KLF15: variants seen among roughly 807,000 people sequenced by gnomAD.
KLF15 encodes Krueppel-like factor 15.
Under a neutral mutation model 24.6 loss-of-function variants are expected in KLF15, and 4 were observed. The observed-to-expected ratio is 0.16, with a 90% CI of 0.08 to 0.37. The LOEUF (loss-of-function observed/expected upper bound fraction) is 0.37, where lower values mean the gene tolerates loss of function less well. Among genes scored for constraint, KLF15 ranks in the 10% least tolerant of loss-of-function variants. The pLI is 1.00. For missense variants in KLF15, 496 were observed against 560.6 expected, an observed-to-expected ratio of 0.88 and a Z score of 1.16; for synonymous variants, 246 against 236.3, an observed-to-expected ratio of 1.04 and a Z score of -0.37.
At chr3:126,308,868 C>A in the KLF15 span, among the ~76,000 whole-genome samples, 2 of 152,294 alleles carry the variant, frequency 1.3e-5, no homozygotes, top group Middle Eastern at 6.8e-3. Context: ...GGCAGGACAG[C>A]TCGGCAGGGA....
chr3:126,322,481 C>G, the KLF15 span, among the ~76,000 whole-genome samples: 1 of 152,116 alleles, frequency 6.6e-6, no homozygotes, highest in Non-Finnish European at 1.5e-5. Context: ...TCCTACTGCC[C>G]CTCGCATAAG....
At chr3:126,351,727 T>G in intron 2 of KLF15, 114 bp downstream of exon 2, 5 of 393,766 alleles carry the variant, frequency 1.3e-5, no homozygotes, top group South Asian at 2.0e-5. Context: ...TGCCCCTCCC[T>G]CCCCTCCCTC....
the KLF15 span, among the ~76,000 whole-genome samples, chr3:126,331,629 T>C: frequency 3.3e-5 from 5 of 152,198 alleles, no homozygotes; most frequent in Non-Finnish European, 7.3e-5. Context: ...GATGGCCGAA[T>C]AGGAACAGCT....
chr3:126,314,112 CTG>C, the KLF15 span, among the ~76,000 whole-genome samples: 1 of 152,132 alleles, frequency 6.6e-6, no homozygotes, highest in Non-Finnish European at 1.5e-5. Context: ...TGGTCTCAGG[CTG>C]TGTCACTCCC....
At chr3:126,315,474 C>G in the KLF15 span, among the ~76,000 whole-genome samples, 148 of 152,240 alleles carry the variant, frequency 9.7e-4, no homozygotes, top group Non-Finnish European at 1.8e-3. Context: ...GACCTAGGGC[C>G]ACATCTTGTC....
the KLF15 span, among the ~76,000 whole-genome samples, chr3:126,327,606 C>T: frequency 6.6e-6 from 1 of 152,174 alleles, no homozygotes; most frequent in East Asian, 1.9e-4. Context: ...CAGTCTTCCC[C>T]CAGCCTCCCC....
At chr3:126,348,163 G>A (rs986066136) in intron 2 of KLF15, among the ~76,000 whole-genome samples, 6 of 152,324 alleles carry the variant, frequency 3.9e-5, no homozygotes. Context: ...CTGAACTCCT[G>A]GCTCTGGGGC....
intron 2 of KLF15, 89 bp downstream of exon 2, chr3:126,351,752 A>T: frequency 3.0e-6 from 2 of 660,814 alleles, no homozygotes; most frequent in Non-Finnish European, 4.8e-6. Context: ...ACCTTCTGTT[A>T]ATGGTGGAAA....
the KLF15 span, among the ~76,000 whole-genome samples, chr3:126,323,839 T>G: frequency 3.3e-5 from 5 of 151,774 alleles, no homozygotes; most frequent in Non-Finnish European, 5.9e-5. Context: ...TCTGTTCCTG[T>G]GTTAGTTTGC....
the KLF15 span, among the ~76,000 whole-genome samples, chr3:126,294,603 T>C: frequency 6.6e-6 from 1 of 152,172 alleles, no homozygotes; most frequent in Non-Finnish European, 1.5e-5. Context: ...AGTAATTTTT[T>C]AACTGAGCAC....
At chr3:126,290,534 T>A in the KLF15 span, 1 of 151,916 alleles carries the variant, frequency 6.6e-6, no homozygotes, top group Non-Finnish European at 1.5e-5. Context: ...CTTCCTTCCT[T>A]CCTTCCTTCC....
chr3:126,339,371 T>G (rs1441577670), downstream of KLF15, among the ~76,000 whole-genome samples: 2 of 152,230 alleles, frequency 1.3e-5, no homozygotes, highest in Non-Finnish European at 2.9e-5. Flanking sequence ...TACCTGGTCC[T>G]GGTGCCCTCC....
chr3:126,351,869 C>T lies in KLF15; in HGVS notation c.1054G>A (p.Ala352Thr), dbSNP rs376424318. Residue 352 changes from alanine (A) to threonine (T), a missense_variant, in exon 2 of 3, where the codon GCC (alanine) becomes ACC (threonine). Ala to Thr is a moderately conservative substitution (Grantham distance 58). Around this residue, in one of 3 missense-constraint regions of KLF15, gnomAD observed 59 missense variants for 106.1 expected, o/e 0.56. Transcript: ENST00000296233. The part of the protein sequence containing the change: ...LRRHTGEKPF[A>T]CTWPGCGWRF... ...CAGCCGCAGCCTGGCCAGGTGCAGG[C>T]GAAGGGCTTCTCACCCGTGTGCCGG... is the stretch of plus-strand genomic sequence containing the variant. The T allele has an allele frequency of 8.7e-6, 14 of 1,613,774 alleles. No individual in the cohort carries two copies. Among genetic ancestry groups the T allele is most frequent in the Middle Eastern group, 1.6e-4 (1 of 6,074 alleles).
intron 1 of KLF15, among the ~76,000 whole-genome samples, 197 bp from the exon 2 acceptor site, chr3:126,353,144 T>G (rs897435290): frequency 6.6e-6 from 1 of 152,136 alleles, no homozygotes; most frequent in Non-Finnish European, 1.5e-5. Context: ...AAAAGAGACC[T>G]CTCCAAGCCC....
At chr3:126,350,992 C>G (rs969455423) in intron 2 of KLF15, among the ~76,000 whole-genome samples, 1 of 152,238 alleles carries the variant, frequency 6.6e-6, no homozygotes, top group Admixed American at 6.5e-5. Context: ...TCTGGCACCC[C>G]GGAGCACATG....
the KLF15 span, among the ~76,000 whole-genome samples, chr3:126,324,804 C>CT: frequency 4.3e-5 from 2 of 46,774 alleles, no homozygotes; most frequent in Non-Finnish European, 8.0e-5. Context: ...TTTTTTTTCG[C>CT]TCTTTTTTTT....
the KLF15 span, among the ~76,000 whole-genome samples, chr3:126,306,496 G>C: frequency 6.6e-6 from 1 of 152,240 alleles, no homozygotes; most frequent in East Asian, 1.9e-4. Context: ...GCCTCTGTGA[G>C]CTATCCGTGG....
At chr3:126,338,970 C>T (rs1560033612), downstream of KLF15, among the ~76,000 whole-genome samples, 1 of 152,232 alleles carries the variant, frequency 6.6e-6, no homozygotes. Context: ...GTTCTGAGAA[C>T]AGCCTGGGGA....
the KLF15 span, chr3:126,289,067 C>G: frequency 6.6e-6 from 1 of 152,130 alleles, no homozygotes; most frequent in Admixed American, 6.5e-5. Flanking sequence ...ATACAGGAGA[C>G]CTTTCAAAGC....
Sources: allele counts gnomAD v4.1 joint callset (sites outside exome capture counted in the v4.1 genomes callset), GRCh38; gene constraint gnomAD v4.1.1; regional missense constraint gnomAD v4.1.1; transcripts MANE v1.5; gene names NCBI Gene and HGNC (gene_info 2026-07-23, HGNC 2026-07-21).